ZFPM2: variants seen among roughly 807,000 people sequenced by gnomAD.
ZFPM2 encodes the protein zinc finger protein ZFPM2.
A neutral mutation model predicts 98.6 loss-of-function variants in ZFPM2; 20 were observed. That is an observed-to-expected ratio of 0.20 (90% confidence interval 0.14 to 0.29). The LOEUF is 0.29. Ranked by LOEUF, ZFPM2 falls within the 10% of genes least tolerant of loss-of-function variation. The pLI, the probability that ZFPM2 is intolerant of heterozygous loss-of-function variation, is 1.00. For synonymous variants in ZFPM2, 518 were observed against 502.7 expected (o/e 1.03, Z -0.41); for missense variants, 1,310 against 1,388.6 (o/e 0.94, Z 0.90).
intron 5 of ZFPM2, among the ~76,000 whole-genome samples, chr8:105,663,769 GTTAAAA>G (rs1482514737): frequency 2.0e-5 from 3 of 152,172 alleles, no homozygotes; most frequent in African/African-American, 7.2e-5. Flanking sequence ...AATTAAATGT[GTTAAAA>G]TTAAAATTAA....
intron 5 of ZFPM2, among the ~76,000 whole-genome samples, chr8:105,713,973 GT>G (rs1373692899): frequency 6.6e-6 from 1 of 151,914 alleles, no homozygotes; most frequent in Non-Finnish European, 1.5e-5. Context: ...CTTTCGAATA[GT>G]TTTTTTCTAA....
At chr8:105,640,686 G>C (rs1816933362) in intron 5 of ZFPM2, among the ~76,000 whole-genome samples, 1 of 151,974 alleles carries the variant, frequency 6.6e-6, no homozygotes, top group South Asian at 2.1e-4. Flanking sequence ...TCTTGTAAAA[G>C]TCCGAACCAT....
chr8:105,510,246 C>T lies in ZFPM2; in HGVS notation c.302-51117C>T, dbSNP rs2130504338. Among the ~76,000 whole-genome samples, 4 of 152,280 alleles carry T rather than the reference C, an allele frequency of 2.6e-5. 1 individual carries two copies. In the South Asian group the frequency reaches 8.3e-4, roughly 32 times the overall value. On this transcript the variant is annotated intron_variant, in intron 3 of 7. Transcript: ENST00000407775. The stretch of plus-strand genomic sequence containing the variant: ...ACTGTTAAAGAGCCAAGTCACCTCA[C>T]TCCCTATATGAACTCTGGGATTAAA...
In ZFPM2 at chr8:105,792,178, T is replaced by G. The variant is rs1307872524; in HGVS notation, c.739+3254T>G. On this transcript the variant is annotated intron_variant, in intron 6 of 7. Coordinates refer to ENST00000407775, the MANE Select transcript of ZFPM2 (RefSeq NM_012082.4). ...GCTTTTCTAGTTCTTTTAATTGTGA[T>G]GTTAGAGTGTCAATTTTGGATCTTT... 1.3e-4 allele frequency among the ~76,000 whole-genome samples: 20 copies of G among 152,336 alleles called. No homozygotes were observed. The South Asian group carries it at 4.1e-3, about 32-fold the overall frequency.
intron 3 of ZFPM2, among the ~76,000 whole-genome samples, chr8:105,552,896 C>T (rs1253877758): frequency 6.7e-6 from 1 of 149,868 alleles, no homozygotes; most frequent in Non-Finnish European, 1.5e-5. Context: ...AGTCCTTGAT[C>T]CCCCCCGGGC....
intron 1 of ZFPM2, among the ~76,000 whole-genome samples, chr8:105,330,963 C>G (rs879014298): frequency 1.3e-5 from 2 of 150,802 alleles, no homozygotes; most frequent in Admixed American, 1.3e-4. Flanking sequence ...GATAGTATTT[C>G]AGTTTTTTTG....
intron 5 of ZFPM2, among the ~76,000 whole-genome samples, chr8:105,665,358 G>T (rs1003192944): frequency 6.6e-6 from 1 of 152,042 alleles, no homozygotes; most frequent in Non-Finnish European, 1.5e-5. Context: ...TCTAGTTAAT[G>T]CAAAATTTAT....
intron 5 of ZFPM2, among the ~76,000 whole-genome samples, chr8:105,718,470 C>G (rs1283176174): frequency 6.6e-6 from 1 of 151,964 alleles, no homozygotes; most frequent in Non-Finnish European, 1.5e-5. Flanking sequence ...ATGTAACCAT[C>G]TGCACATTAT....
chr8:105,508,541 C>T (rs1586424572), intron 3 of ZFPM2, among the ~76,000 whole-genome samples: 1 of 152,060 alleles, frequency 6.6e-6, no homozygotes, highest in Admixed American at 6.5e-5. Context: ...TAGTTAGAGA[C>T]GTCTTGCAGG....
At chr8:105,535,169 G>T (rs1308610501) in intron 3 of ZFPM2, among the ~76,000 whole-genome samples, 3 of 152,108 alleles carry the variant, frequency 2.0e-5, no homozygotes, top group Non-Finnish European at 4.4e-5. Flanking sequence ...ACTACTTTAT[G>T]TTACGATCCA....
intron 3 of ZFPM2, among the ~76,000 whole-genome samples, chr8:105,469,067 C>T (rs1406427419): frequency 6.6e-6 from 1 of 152,018 alleles, no homozygotes; most frequent in African/African-American, 2.4e-5. Context: ...CCAGAGAGCT[C>T]TTCAGAGCAC....
chr8:105,479,243 A>G (rs1244855388), intron 3 of ZFPM2, among the ~76,000 whole-genome samples: 1 of 152,202 alleles, frequency 6.6e-6, no homozygotes, highest in Non-Finnish European at 1.5e-5. Flanking sequence ...CGAGAAAACT[A>G]ACAAGACATG....
At chr8:105,620,731 G>A (rs1816522228) in intron 4 of ZFPM2, among the ~76,000 whole-genome samples, 1 of 152,136 alleles carries the variant, frequency 6.6e-6, no homozygotes, top group African/African-American at 2.4e-5. Flanking sequence ...AAGGGATCCA[G>A]TTTCAGCTTT....
intron 5 of ZFPM2, among the ~76,000 whole-genome samples, chr8:105,700,646 A>G (rs1811120506): frequency 6.6e-6 from 1 of 152,140 alleles, no homozygotes; most frequent in East Asian, 1.9e-4. Context: ...GCTGGAGTGC[A>G]GTGCAGTAGC....
At chr8:105,375,364 G>T (rs1353419595) in intron 1 of ZFPM2, among the ~76,000 whole-genome samples, 1 of 152,156 alleles carries the variant, frequency 6.6e-6, no homozygotes, top group African/African-American at 2.4e-5. Context: ...GAAAACAGTT[G>T]CCTGGAGCCT....
chr8:105,336,841 T>C (rs779333870), intron 1 of ZFPM2, among the ~76,000 whole-genome samples: 8 of 151,714 alleles, frequency 5.3e-5, no homozygotes, highest in Non-Finnish European at 1.0e-4. Flanking sequence ...TTACAAACTC[T>C]GAAATCTGTT....
rs1240729307 is a variant in ZFPM2 at position 105,704,002 on chromosome 8, T to C, written c.532+69645T>C. Among the ~76,000 whole-genome samples, 3 of 152,218 alleles carry C rather than the reference T, an allele frequency of 2.0e-5. No individual in the cohort carries two copies. The East Asian group carries it at 5.8e-4, about 29-fold the overall frequency. On this transcript the variant is annotated intron_variant, in intron 5 of 7. Coordinates refer to ENST00000407775, the MANE Select transcript of ZFPM2 (RefSeq NM_012082.4). ...TATGCCCCACATCTGGGCAAGCAGG[T>C]AATAAATCCTGAGTTCTCTCTCCTT...
intron 5 of ZFPM2, among the ~76,000 whole-genome samples, chr8:105,755,585 T>C (rs1812579474): frequency 6.6e-6 from 1 of 152,132 alleles, no homozygotes; most frequent in South Asian, 2.1e-4. Context: ...TTAATCTTTA[T>C]AGGAAGAACA....
At chr8:105,791,714 T>C (rs1813618016) in intron 6 of ZFPM2, among the ~76,000 whole-genome samples, 1 of 152,248 alleles carries the variant, frequency 6.6e-6, no homozygotes, top group Admixed American at 6.5e-5. Flanking sequence ...TGAATCCATC[T>C]GGTCCTGGAC....
Sources: allele counts gnomAD v4.1 joint callset (sites outside exome capture counted in the v4.1 genomes callset), GRCh38; gene constraint gnomAD v4.1.1; transcripts MANE v1.5; gene names NCBI Gene and HGNC (gene_info 2026-07-23, HGNC 2026-07-21).